Variants in SLC16A12 observed in about 807,000 individuals in gnomAD.
SLC16A12 encodes solute carrier family 16 member 12, also known as monocarboxylate transporter 12.
Under a neutral mutation model 42.4 loss-of-function variants are expected in SLC16A12, and 17 were observed. The ratio of observed to expected loss-of-function variants is 0.40; its 90% CI spans 0.27 to 0.60. SLC16A12 has a LOEUF of 0.60. SLC16A12 is among the 20% of genes least tolerant of loss of function. The pLI is 0.42. For synonymous variants in SLC16A12, 224 were observed against 229.4 expected, an observed-to-expected ratio of 0.98 and a Z score of 0.21; for missense variants, 544 against 623.0, an observed-to-expected ratio of 0.87 and a Z score of 1.35.
At chr10:89,516,269 G>A (rs1843248773) in intron 2 of SLC16A12, among the ~76,000 whole-genome samples, 2 of 152,154 alleles carry the variant, frequency 1.3e-5, no homozygotes, top group Admixed American at 1.3e-4. Flanking sequence ...GAGAGAATGA[G>A]CCCTGACGTG....
intron 2 of SLC16A12, among the ~76,000 whole-genome samples, chr10:89,466,652 C>G (rs141132587): frequency 6.6e-6 from 1 of 152,268 alleles, no homozygotes; most frequent in East Asian, 1.9e-4. Flanking sequence ...ATTGCAAGCT[C>G]TAAAAAGATG....
chr10:89,454,126 C>T (rs915026865), intron 3 of SLC16A12, among the ~76,000 whole-genome samples: 1 of 151,906 alleles, frequency 6.6e-6, no homozygotes. Flanking sequence ...TCAAGCGATT[C>T]GCCTACCCCC....
At chr10:89,554,091 A>AGAAAGAAGGAAGGAAGGAAG (rs1843790714) in intron 2 of SLC16A12, among the ~76,000 whole-genome samples, 2 of 25,052 alleles carry the variant, frequency 8.0e-5, no homozygotes, top group African/African-American at 3.1e-4. Context: ...AAAGAAAGAA[A>AGAAAGAAGGAAGGAAGGAAG]GAAAGAAAGA....
intron 2 of SLC16A12, among the ~76,000 whole-genome samples, chr10:89,469,257 C>T (rs1842456290): frequency 6.6e-6 from 1 of 152,166 alleles, no homozygotes; most frequent in South Asian, 2.1e-4. Context: ...GAAAAATTTT[C>T]TGAGATGAAA....
chr10:89,452,158 A>G (rs547488727), intron 3 of SLC16A12, among the ~76,000 whole-genome samples: 9 of 152,314 alleles, frequency 5.9e-5, no homozygotes, highest in African/African-American at 2.2e-4. Flanking sequence ...GCCAACCCAT[A>G]TTTCCATTCC....
chr10:89,454,138 A>AC, intron 3 of SLC16A12, among the ~76,000 whole-genome samples: 1 of 151,384 alleles, frequency 6.6e-6, no homozygotes, highest in African/African-American at 2.4e-5. Flanking sequence ...CCTACCCCCT[A>AC]CCTCAGCCTC....
intron 3 of SLC16A12, among the ~76,000 whole-genome samples, chr10:89,451,852 G>A (rs541113018): frequency 6.6e-6 from 1 of 152,268 alleles, no homozygotes; most frequent in African/African-American, 2.4e-5. Flanking sequence ...ACAGTGTTCT[G>A]CTAGGCCCAC....
intron 7 of SLC16A12, 125 bp downstream of exon 7, chr10:89,435,935 C>G: frequency 7.1e-7 from 1 of 1,403,132 alleles, no homozygotes; most frequent in Non-Finnish European, 9.8e-7. Flanking sequence ...TCTTATATCC[C>G]TTTTCTCTTT....
At chr10:89,522,495 G>A (rs1304365851) in intron 2 of SLC16A12, among the ~76,000 whole-genome samples, 1 of 152,142 alleles carries the variant, frequency 6.6e-6, no homozygotes, top group Non-Finnish European at 1.5e-5. Context: ...TCTACAACTG[G>A]TAAATCAAGT....
At chr10:89,554,389 T>C (rs1428439324) in intron 2 of SLC16A12, among the ~76,000 whole-genome samples, 1 of 152,160 alleles carries the variant, frequency 6.6e-6, no homozygotes, top group African/African-American at 2.4e-5. Flanking sequence ...AGGAACCAGA[T>C]CTAGAGAGGG....
chr10:89,539,812 G>A (rs1158804777), upstream of SLC16A12, among the ~76,000 whole-genome samples: 2 of 151,782 alleles, frequency 1.3e-5, no homozygotes, highest in Non-Finnish European at 2.9e-5. Context: ...GCAATACATG[G>A]ACAAGGAAAT....
upstream of SLC16A12, among the ~76,000 whole-genome samples, chr10:89,538,809 G>A (rs997205759): frequency 6.6e-6 from 1 of 151,706 alleles, no homozygotes; most frequent in Non-Finnish European, 1.5e-5. Context: ...TTTTTTCCTT[G>A]GCCAAACTTT....
chr10:89,531,176 G>A (rs1843545836), intron 2 of SLC16A12, among the ~76,000 whole-genome samples: 2 of 151,894 alleles, frequency 1.3e-5, no homozygotes, highest in Admixed American at 1.3e-4. Context: ...GATCACCTGA[G>A]GTCAGGAGTT....
chr10:89,553,783 C>G (rs1479214761), intron 2 of SLC16A12, among the ~76,000 whole-genome samples: 9 of 151,952 alleles, frequency 5.9e-5, no homozygotes, highest in Admixed American at 5.9e-4. Flanking sequence ...ACCAGGAGGT[C>G]AGGAGTTCAA....
chr10:89,486,990 A>T lies in SLC16A12; in HGVS notation c.-46-24366T>A, dbSNP rs1301198070. Among the ~76,000 whole-genome samples the T allele has an allele frequency of 3.3e-5, 5 of 152,228 alleles. No homozygotes were observed. The East Asian group carries it at 7.7e-4, about 23-fold the overall frequency. ...TGAAGTCAAAAGACACTCCAGGAGA[A>T]AATTTGGAAGTATGGGACGAAACAT... On this transcript the variant is annotated intron_variant, in intron 2 of 7. Transcript: ENST00000371790.
chr10:89,530,413 GT>G (rs926486449), intron 2 of SLC16A12, among the ~76,000 whole-genome samples: 202 of 145,998 alleles, frequency 1.4e-3, no homozygotes, highest in Middle Eastern at 7.1e-3. Context: ...AAATTTGGTG[GT>G]TTTTTTTTTT....
chr10:89,547,127 C>G (rs1021163693), intron 2 of SLC16A12, among the ~76,000 whole-genome samples: 10 of 152,036 alleles, frequency 6.6e-5, no homozygotes, highest in African/African-American at 2.4e-4. Flanking sequence ...CAAACCTGTA[C>G]GTTCTGCACA....
intron 6 of SLC16A12, 106 bp downstream of exon 6, chr10:89,438,498 G>A: frequency 1.2e-5 from 13 of 1,054,442 alleles, no homozygotes; most frequent in Non-Finnish European, 1.8e-5. Flanking sequence ...CTGCAGACTT[G>A]TTAACATTAT....
At chr10:89,518,751 C>A (rs1843299703) in intron 2 of SLC16A12, among the ~76,000 whole-genome samples, 1 of 152,078 alleles carries the variant, frequency 6.6e-6, no homozygotes, top group Non-Finnish European at 1.5e-5. Context: ...ACTCTGAGGC[C>A]CAGCCCCCAA....
Sources: allele counts gnomAD v4.1 joint callset (sites outside exome capture counted in the v4.1 genomes callset), GRCh38; gene constraint gnomAD v4.1.1; transcripts MANE v1.5; gene names NCBI Gene and HGNC (gene_info 2026-07-23, HGNC 2026-07-21).